The following BLM variants were observed in gnomAD, a reference collection of about 807,000 sequenced individuals.
BLM encodes BLM RecQ like helicase.
A neutral mutation model predicts 135.3 loss-of-function variants in BLM; 95 were observed. That is an observed-to-expected ratio of 0.70 (90% CI 0.59 to 0.83). BLM has a LOEUF of 0.83. Ranked by LOEUF, BLM falls within the 40% of genes least tolerant of loss-of-function variation. BLM has a pLI of 0.00. For synonymous variants in BLM, 520 were observed against 589.2 expected (o/e 0.88, Z 1.70); for missense variants, 1,518 against 1,663.9 (o/e 0.91, Z 1.53).
chr15:90,780,983 A>G (rs182111519), intron 12 of BLM, among the ~76,000 whole-genome samples: 4 of 152,338 alleles, frequency 2.6e-5, no homozygotes, highest in Non-Finnish European at 5.9e-5. Flanking sequence ...CCAATCCCCC[A>G]TGGGAAACCA....
chr15:90,722,250 C>T (rs1894788666), intron 1 of BLM, among the ~76,000 whole-genome samples: 3 of 152,048 alleles, frequency 2.0e-5, no homozygotes, highest in South Asian at 2.1e-4. Context: ...GCTGGGACTA[C>T]AGGCACCTGC....
intron 1 of BLM, among the ~76,000 whole-genome samples, chr15:90,719,054 C>T (rs1362579629): frequency 1.7e-4 from 26 of 152,008 alleles, no homozygotes; most frequent in Admixed American, 1.3e-3. Context: ...TGCAGTGGCG[C>T]GATCTTGGCT....
intron 19 of BLM, chr15:90,808,748 T>C (rs548939174): frequency 6.2e-6 from 2 of 324,782 alleles, no homozygotes; most frequent in East Asian, 1.6e-4. Flanking sequence ...AGGCTGGAGC[T>C]GGAAATAGAA....
chr15:90,757,354 G>A (rs1032377252), intron 5 of BLM, among the ~76,000 whole-genome samples: 3 of 152,144 alleles, frequency 2.0e-5, no homozygotes, highest in Admixed American at 2.0e-4. Flanking sequence ...TGTACTCTGA[G>A]GTATAATCTG....
intron 14 of BLM, 55 bp downstream of exon 14, chr15:90,785,136 C>A (rs1246019572): frequency 6.5e-7 from 1 of 1,530,208 alleles, no homozygotes; most frequent in Admixed American, 1.8e-5. Flanking sequence ...AGCATATAAC[C>A]AAACATGCAC....
intron 12 of BLM, among the ~76,000 whole-genome samples, chr15:90,774,600 G>A (rs940049756): frequency 2.6e-5 from 4 of 151,728 alleles, no homozygotes; most frequent in African/African-American, 4.8e-5. Flanking sequence ...TTGGGTGGCC[G>A]AGGCGGGTGG....
intron 1 of BLM, among the ~76,000 whole-genome samples, chr15:90,727,971 G>A (rs1007466330): frequency 4.6e-5 from 7 of 151,672 alleles, no homozygotes; most frequent in Non-Finnish European, 1.0e-4. Context: ...TCTCCATATC[G>A]TCTTCCAATG....
chr15:90,811,720 C>A (rs1897426002), intron 21 of BLM, among the ~76,000 whole-genome samples: 1 of 152,136 alleles, frequency 6.6e-6, no homozygotes, highest in Admixed American at 6.5e-5. Flanking sequence ...TGCAGTGGCA[C>A]AATCTCGGCT....
chr15:90,804,900 G>A (rs551230715), intron 19 of BLM, among the ~76,000 whole-genome samples: 3 of 152,206 alleles, frequency 2.0e-5, no homozygotes, highest in South Asian at 2.1e-4. Flanking sequence ...GCAGTGGCGC[G>A]ATCTCAGCTC....
Position 90,794,198 on chromosome 15 carries a change from A to G in BLM, c.3051A>G (p.Glu1017=). Residue 1017 remains glutamate (E), a synonymous_variant, in exon 16 of 22, where the codon GAA becomes GAG. Coordinates refer to ENST00000355112, the MANE Select transcript of BLM (RefSeq NM_000057.4). ...AAGATGGAAACCATCATACAAGAGAAACTCACTTCAATAATTTGTATAGCA... is the reference window on the plus strand; with the variant it reads ...AAGATGGAAACCATCATACAAGAGAGACTCACTTCAATAATTTGTATAGCA... ...MEKDGNHHTR[E]THFNNLYSMV... is the part of the protein sequence containing the mutation. The G allele has an allele frequency of 6.2e-7, 1 of 1,605,394 alleles. No homozygotes were observed. The highest frequency in any genetic ancestry group is 8.5e-7 in the Non-Finnish European group (1 of 1,174,592).
At chr15:90,737,167 T>G (rs1000468830) in intron 1 of BLM, among the ~76,000 whole-genome samples, 2 of 148,660 alleles carry the variant, frequency 1.3e-5, no homozygotes, top group African/African-American at 5.2e-5. Flanking sequence ...AATTTTGAAC[T>G]CTTCTTAGTA....
chr15:90,732,131 A>ATT (rs1367835994), intron 1 of BLM, among the ~76,000 whole-genome samples: 1 of 152,204 alleles, frequency 6.6e-6, no homozygotes, highest in South Asian at 2.1e-4. Context: ...TTATGTGTAG[A>ATT]TTTCCATTAT....
chr15:90,799,473 G>T (rs531462326), intron 17 of BLM, among the ~76,000 whole-genome samples: 1 of 151,232 alleles, frequency 6.6e-6, no homozygotes, highest in Non-Finnish European at 1.5e-5. Context: ...AGCATAGAAA[G>T]GATTAATCCT....
At chr15:90,740,969 T>C (rs540249702) in intron 1 of BLM, among the ~76,000 whole-genome samples, 2 of 152,164 alleles carry the variant, frequency 1.3e-5, no homozygotes, top group Non-Finnish European at 2.9e-5. Flanking sequence ...AGTATGAAAA[T>C]GGACTAGAAC....
At position 90,763,129 on chromosome 15, in the gene BLM, T is replaced by G. The variant is rs2151160778; in HGVS notation, c.2046T>G (p.Gly682=). The change falls in exon 8 of 22, where the codon GGT becomes GGG. Residue 682 remains glycine (G), a synonymous_variant. Coordinates refer to ENST00000355112, the MANE Select transcript of BLM (RefSeq NM_000057.4). ...QLEAINAALL[G]EDCFILMPTG... ...AGGCGATCAATGCTGCACTGCTTGG[T>G]GAAGACTGTTTTATCCTGATGCCGA... is the stretch of plus-strand genomic sequence containing the variant. The G allele has an allele frequency of 1.2e-6, 2 of 1,614,094 alleles. No individual in the cohort carries two copies. The highest frequency in any genetic ancestry group is 1.7e-6 in the Non-Finnish European group (2 of 1,179,970).
At chr15:90,718,374 C>T (rs966442325) in intron 1 of BLM, among the ~76,000 whole-genome samples, 1 of 152,196 alleles carries the variant, frequency 6.6e-6, no homozygotes, top group African/African-American at 2.4e-5. Context: ...CCTCACCTGT[C>T]CTTAGGTCAC....
At chr15:90,770,205 G>T (rs1245476953) in intron 12 of BLM, among the ~76,000 whole-genome samples, 1 of 124,626 alleles carries the variant, frequency 8.0e-6, no homozygotes, top group Non-Finnish European at 1.6e-5. Flanking sequence ...ATGGAGTCTC[G>T]CTCTGTCGCC....
At position 90,803,714 on chromosome 15, in the gene BLM, T is replaced by C. The variant is rs1415770882; in HGVS notation, c.3552T>C (p.Asn1184=). The change falls in exon 18 of 22, where the codon AAT becomes AAC. Residue 1184 remains asparagine, a synonymous_variant. Coordinates refer to ENST00000355112, the MANE Select transcript of BLM (RefSeq NM_000057.4). ...AAGCCCAAACTGTACTAAATGGCAA[T>C]TTAAAGGTATAGTATTTTTCATGTT... ...GNKAQTVLNG[N]LKVDFMETEN... is the part of the protein sequence containing the mutation. 1.2e-6 allele frequency: 2 copies of C among 1,613,960 alleles called. No homozygotes were observed. The highest frequency in any genetic ancestry group is 1.7e-6 in the Non-Finnish European group (2 of 1,179,852).
intron 1 of BLM, among the ~76,000 whole-genome samples, chr15:90,723,880 G>T (rs1268085693): frequency 1.3e-5 from 2 of 152,086 alleles, no homozygotes; most frequent in South Asian, 4.2e-4. Context: ...TAGATACCTC[G>T]TTGCAGTGGA....
Sources: gnomAD v4.1 joint callset for allele counts (sites outside exome capture counted in the v4.1 genomes callset) on GRCh38, gnomAD v4.1.1 for gene constraint, MANE v1.5 for transcripts, NCBI Gene and HGNC (gene_info 2026-07-23, HGNC 2026-07-21) for gene names.